The following DYNLRB2 variants were observed in gnomAD, a reference collection of about 807,000 sequenced individuals.
The protein encoded by DYNLRB2 is dynein light chain roadblock-type 2, also known as bithoraxoid-like protein.
Under a neutral mutation model 12.6 loss-of-function variants are expected in DYNLRB2, and 14 were observed. The observed-to-expected ratio is 1.11, with a 90% CI of 0.73 to 1.73. The LOEUF is 1.73. Ranked by LOEUF, DYNLRB2 falls within the 40% of genes most tolerant of loss-of-function variation. The pLI is 0.00. For synonymous variants in DYNLRB2, 53 were observed against 37.0 expected (o/e 1.43, Z -1.57); for missense variants, 142 against 117.7 (o/e 1.21, Z -0.95).
chr16:80,548,842 T>G lies in DYNLRB2; in HGVS notation c.80-642T>G, dbSNP rs1008140742. The G allele has an allele frequency of 4.2e-5, 18 of 430,042 alleles. No individual in the cohort carries two copies. In the East Asian group the frequency reaches 6.3e-4, roughly 15 times the overall value. 26.6% of individuals were successfully genotyped at this position (430,042 alleles called of 1,614,324 possible). On this transcript the variant is annotated intron_variant, in intron 2 of 3. Coordinates refer to ENST00000305904, the MANE Select transcript of DYNLRB2 (RefSeq NM_130897.3). ...CTACAATATCCTTATTACCACATTT[T>G]CTAACATAAAACTTAAGATTTGTGA...
chr16:80,540,880 G>A (rs1597085714), upstream of DYNLRB2: 4 of 949,668 alleles, frequency 4.2e-6, no homozygotes, highest in African/African-American at 3.2e-5. Context: ...CCTCTTCCGC[G>A]AACCTTCGCC....
At chr16:80,542,947 TG>T (rs1398453206) in intron 1 of DYNLRB2, among the ~76,000 whole-genome samples, 2 of 152,226 alleles carry the variant, frequency 1.3e-5, no homozygotes, top group African/African-American at 4.8e-5. Flanking sequence ...AAAGATAATC[TG>T]GGACAAATTT....
intron 2 of DYNLRB2, chr16:80,547,696 C>T (rs1254818593): frequency 2.7e-5 from 12 of 451,916 alleles, no homozygotes; most frequent in South Asian, 9.4e-5. Flanking sequence ...TAAAACTGCT[C>T]GTCAAAAAGT....
intron 1 of DYNLRB2, among the ~76,000 whole-genome samples, chr16:80,541,933 A>C (rs1904292048): frequency 6.6e-6 from 1 of 152,230 alleles, no homozygotes. Flanking sequence ...TTGCTACATA[A>C]GATGGCCGAG....
chr16:80,542,420 G>A (rs779620606), intron 1 of DYNLRB2, among the ~76,000 whole-genome samples: 44 of 152,096 alleles, frequency 2.9e-4, no homozygotes, highest in Non-Finnish European at 5.7e-4. Context: ...CCCATACCAA[G>A]TACAAAGGAA....
At chr16:80,547,471 G>C (rs1226887539) in intron 2 of DYNLRB2, among the ~76,000 whole-genome samples, 1 of 151,004 alleles carries the variant, frequency 6.6e-6, no homozygotes, top group Non-Finnish European at 1.5e-5. Context: ...GTGTATGGCG[G>C]ATATGAAAAA....
chr16:80,549,233 T>C (rs1904680954), intron 2 of DYNLRB2: 1 of 418,364 alleles, frequency 2.4e-6, no homozygotes, highest in Non-Finnish European at 4.4e-6. Flanking sequence ...CAAGGACAAC[T>C]TGTATGTTAT....
At position 80,550,749 on chromosome 16, in the gene DYNLRB2, A is replaced by T; in HGVS notation, c.*191A>T. 3 of 631,988 alleles carry T rather than the reference A, an allele frequency of 4.7e-6. No individual in the cohort carries two copies. Among genetic ancestry groups the T allele is most frequent in the Non-Finnish European group, 8.2e-6 (3 of 366,866 alleles). 39.1% of individuals were successfully genotyped at this position (631,988 alleles called of 1,614,324 possible). Reference sequence around the variant, plus strand: ...TGAAGTTGTACTTTAGTGATACAATAAGTGAATTCTGGTATATACGTCTCT... The same window carrying T: ...TGAAGTTGTACTTTAGTGATACAATTAGTGAATTCTGGTATATACGTCTCT... On this transcript the variant is annotated 3_prime_UTR_variant, in exon 4 of 4. Transcript: ENST00000305904.
upstream of DYNLRB2, chr16:80,540,858 A>C (rs780923407): frequency 1.3e-6 from 1 of 794,684 alleles, no homozygotes; most frequent in South Asian, 1.4e-5. Flanking sequence ...ACCTCAGGTG[A>C]GCGCCTGCTC....
At chr16:80,540,973 G>A (rs1270337017), upstream of DYNLRB2, 17 of 1,571,852 alleles carry the variant, frequency 1.1e-5, no homozygotes, top group South Asian at 1.0e-4. Context: ...TGACGCTTCC[G>A]TGGGGCCACT....
chr16:80,541,938 G>A (rs914383239), intron 1 of DYNLRB2, among the ~76,000 whole-genome samples: 1 of 152,142 alleles, frequency 6.6e-6, no homozygotes, highest in African/African-American at 2.4e-5. Flanking sequence ...ACATAAGATG[G>A]CCGAGAAATG....
upstream of DYNLRB2, chr16:80,540,914 A>G (rs1470416790): frequency 3.1e-6 from 4 of 1,305,370 alleles, no homozygotes; most frequent in Admixed American, 2.0e-5. Context: ...AGGCATCAGG[A>G]GCGCGGTCAG....
chr16:80,545,253 T>C (rs1904377474), intron 2 of DYNLRB2, among the ~76,000 whole-genome samples: 1 of 152,198 alleles, frequency 6.6e-6, no homozygotes, highest in Non-Finnish European at 1.5e-5. Context: ...AATATCTAGG[T>C]ATGAGGATAC....
At chr16:80,547,978 G>A (rs1489488193) in intron 2 of DYNLRB2, 3 of 318,204 alleles carry the variant, frequency 9.4e-6, no homozygotes, top group South Asian at 5.1e-5. Flanking sequence ...CAAAATTGAT[G>A]GTCTTCAAGA....
chr16:80,544,377 C>A lies in DYNLRB2; in HGVS notation c.79+1026C>A, dbSNP rs530472318. 2.0e-5 allele frequency among the ~76,000 whole-genome samples: 3 copies of A among 152,270 alleles called. No homozygotes were observed. The South Asian group carries it at 6.2e-4, about 32-fold the overall frequency. On this transcript the variant is annotated intron_variant, in intron 2 of 3. Transcript: ENST00000305904. ...GTTAAAACATTTGTTTTATAACCAG[C>A]AACTCAAGGCCAAATGAGTGAGAGA...
rs552887458 is a variant in DYNLRB2, at chr16:80,549,541, T to C, written c.137T>C (p.Leu46Pro). ...NSTTVQYAGL[L>P]HHLTMKAKST... ...ACAACTGTTCAATATGCAGGCCTTC[T>C]TCATCACCTGACAATGAAAGCCAAA... The change falls in exon 3 of 4, where the codon CTT (leucine) becomes CCT (proline). Residue 46 changes from leucine (L) to proline (P), a missense_variant. Physicochemically the swap from Leu to Pro is moderately conservative, Grantham distance 98. Transcript: ENST00000305904. The C allele has an allele frequency of 3.7e-6, 6 of 1,613,494 alleles. No individual in the cohort carries two copies. The Admixed American group carries it at 6.7e-5, about 18-fold the overall frequency.
intron 2 of DYNLRB2, chr16:80,549,216 T>C (rs1293236608): frequency 7.8e-6 from 3 of 385,258 alleles, no homozygotes; most frequent in African/African-American, 4.0e-5. Context: ...GTTGATGACA[T>C]TGTCAACAAG....
At chr16:80,543,429 A>G (rs554832795) in intron 2 of DYNLRB2, 78 bp downstream of exon 2, 2 of 1,358,160 alleles carry the variant, frequency 1.5e-6, no homozygotes, top group East Asian at 4.6e-5. Context: ...CCTTAAGACA[A>G]ACATCTTCGA....
chr16:80,547,475 T>A (rs775572018), intron 2 of DYNLRB2, among the ~76,000 whole-genome samples: 4 of 149,754 alleles, frequency 2.7e-5, no homozygotes, highest in African/African-American at 4.9e-5. Flanking sequence ...ATGGCGGATA[T>A]GAAAAACTCC....
Sources: allele counts gnomAD v4.1 joint callset (sites outside exome capture counted in the v4.1 genomes callset), GRCh38; gene constraint gnomAD v4.1.1; transcripts MANE v1.5; gene names NCBI Gene and HGNC (gene_info 2026-07-23, HGNC 2026-07-21).